The following GRIA3 variants were observed in gnomAD, a reference collection of about 807,000 sequenced individuals.
GRIA3 encodes the protein glutamate ionotropic receptor AMPA type subunit 3, also known as glutamate receptor 3.
A neutral mutation model predicts 63.0 loss-of-function variants in GRIA3; 3 were observed. The observed-to-expected ratio is 0.05, with a 90% CI of 0.02 to 0.12. The LOEUF (loss-of-function observed/expected upper bound fraction) is 0.12. Ranked by LOEUF, GRIA3 falls within the 10% of genes least tolerant of loss-of-function variation. The probability of loss-of-function intolerance (pLI) is 1.00; values close to 1 mark genes in which losing one functional copy is unlikely to be tolerated. For missense variants in GRIA3, 347 were observed against 700.9 expected (o/e 0.50, Z 5.70); for synonymous variants, 274 against 257.9 (o/e 1.06, Z -0.60).
intron 5 of GRIA3, among the ~76,000 whole-genome samples, chrX:123,390,436 GT>G (rs1355399028): frequency 9.0e-6 from 1 of 111,299 alleles, no homozygotes; most frequent in Non-Finnish European, 1.9e-5. Flanking sequence ...GTTTTGTTTT[GT>G]TTTGTTTTTT....
At chrX:123,412,920 C>A (rs1182371625) in intron 10 of GRIA3, among the ~76,000 whole-genome samples, 3 of 109,563 alleles carry the variant, frequency 2.7e-5, no homozygotes, top group Non-Finnish European at 5.7e-5. Context: ...AAGAAACAAT[C>A]CAGAAAAAAA....
intron 5 of GRIA3, among the ~76,000 whole-genome samples, chrX:123,394,456 A>G (rs1016845480): frequency 1.8e-5 from 2 of 111,916 alleles, no homozygotes; most frequent in Non-Finnish European, 3.8e-5. Flanking sequence ...GATTTGTACC[A>G]TCATATACAA....
At chrX:123,313,804 A>G (rs1312177193) in intron 3 of GRIA3, among the ~76,000 whole-genome samples, 2 of 111,964 alleles carry the variant, frequency 1.8e-5, no homozygotes, top group Non-Finnish European at 3.8e-5. Flanking sequence ...TACTCTGCAC[A>G]GAAGTTCAGG....
At position 123,394,958 on chromosome X, in the gene GRIA3, G is replaced by C. The variant is rs774893951; in HGVS notation, c.751-10G>C. On this transcript the variant is annotated splice_polypyrimidine_tract_variant and intron_variant, in intron 5 of 15. Coordinates refer to ENST00000620443, the MANE Select transcript of GRIA3 (RefSeq NM_007325.5). ...TTCCCACAATCATGATCCTTTCAATGTCTTTCCAGGGTTTTACTGATATTT... is the reference window on the plus strand; with the variant it reads ...TTCCCACAATCATGATCCTTTCAATCTCTTTCCAGGGTTTTACTGATATTT... 8.6e-7 allele frequency: 1 copy of C among 1,158,659 alleles called. No homozygotes were observed. The highest frequency in any genetic ancestry group is 1.2e-6 in the Non-Finnish European group (1 of 847,100).
Position 123,373,675 on chromosome X carries a change from T to TCTTTTGCC in GRIA3, c.750+18714_750+18721dup, listed in dbSNP as rs770208428. 2.3e-3 allele frequency among the ~76,000 whole-genome samples: 253 copies of TCTTTTGCC among 112,284 alleles called. 1 individual carries two copies. The highest frequency in any genetic ancestry group is 7.9e-3 in the African/African-American group (245 of 30,904). On this transcript the variant is annotated intron_variant, in intron 5 of 15. Coordinates refer to ENST00000620443, the MANE Select transcript of GRIA3 (RefSeq NM_007325.5). Reference sequence around the variant, plus strand: ...TTCTTTTGAGAAGGGTCTGTTCATATCTTTTGCCCACTTTTTGATGGGGTT... The same window carrying TCTTTTGCC: ...TTCTTTTGAGAAGGGTCTGTTCATATCTTTTGCCCTTTTGCCCACTTTTTGATGGGGTT...
chrX:123,274,987 C>G (rs1203224102), intron 3 of GRIA3, among the ~76,000 whole-genome samples: 1 of 111,140 alleles, frequency 9.0e-6, no homozygotes, highest in East Asian at 2.8e-4. Flanking sequence ...GCTAACGCAC[C>G]TACCAAGGCA....
intron 4 of GRIA3, among the ~76,000 whole-genome samples, chrX:123,328,997 A>G (rs1392888587): frequency 8.9e-6 from 1 of 112,213 alleles, no homozygotes; most frequent in Non-Finnish European, 1.9e-5. Flanking sequence ...CACCTTTCTC[A>G]TTGGTTCCTA....
At chrX:123,413,559 A>AC in intron 10 of GRIA3, among the ~76,000 whole-genome samples, 2 of 97,596 alleles carry the variant, frequency 2.0e-5, no homozygotes, top group African/African-American at 8.2e-5. Context: ...AAAAAAAAAA[A>AC]AAAAAAAAAA....
intron 4 of GRIA3, among the ~76,000 whole-genome samples, chrX:123,327,553 A>G (rs2044913421): frequency 9.0e-6 from 1 of 111,004 alleles, no homozygotes; most frequent in African/African-American, 3.3e-5. Flanking sequence ...TTTGTCAGAT[A>G]TGCCCCCATA....
At chrX:123,295,592 G>T (rs1219075045) in intron 3 of GRIA3, among the ~76,000 whole-genome samples, 1 of 110,991 alleles carries the variant, frequency 9.0e-6, no homozygotes, top group African/African-American at 3.3e-5. Context: ...TGGTCACCCT[G>T]CAAGAAAGGC....
At chrX:123,432,072 AT>A (rs1362841137) in intron 12 of GRIA3, among the ~76,000 whole-genome samples, 4 of 111,870 alleles carry the variant, frequency 3.6e-5, no homozygotes, top group African/African-American at 1.3e-4. Flanking sequence ...AATAAACATT[AT>A]TTTCCATTGA....
rs765282362 is a variant in GRIA3, at chrX:123,204,509, G to A, written c.268+18519G>A. The A allele has an allele frequency of 2.6e-6, 3 of 1,165,540 alleles. No individual in the cohort carries two copies. In the South Asian group the frequency reaches 5.7e-5, roughly 22 times the overall value. ...TCATGGAGGGAGAAGAAAGAAAGAA[G>A]TTCAGCCTGGGTGTGTGAAGCTGTA... On this transcript the variant is annotated intron_variant, in intron 2 of 15. Coordinates refer to ENST00000620443, the MANE Select transcript of GRIA3 (RefSeq NM_007325.5).
At chrX:123,362,730 G>A (rs1166161454) in intron 5 of GRIA3, among the ~76,000 whole-genome samples, 1 of 109,413 alleles carries the variant, frequency 9.1e-6, no homozygotes, top group African/African-American at 3.3e-5. Context: ...AAAAAAAAGA[G>A]AGAGAGAGAG....
intron 2 of GRIA3, among the ~76,000 whole-genome samples, chrX:123,213,127 G>A (rs1928078757): frequency 1.8e-5 from 2 of 111,761 alleles, no homozygotes; most frequent in African/African-American, 6.5e-5. Context: ...GATGATCTGA[G>A]GTGGAATAGT....
chrX:123,360,129 C>T (rs913374175), intron 5 of GRIA3, among the ~76,000 whole-genome samples: 1 of 111,208 alleles, frequency 9.0e-6, no homozygotes, highest in Non-Finnish European at 1.9e-5. Flanking sequence ...AGAAAATGGA[C>T]TCAGAAAATA....
At chrX:123,295,421 A>C (rs1210419071) in intron 3 of GRIA3, among the ~76,000 whole-genome samples, 1 of 111,697 alleles carries the variant, frequency 9.0e-6, no homozygotes, top group Admixed American at 9.6e-5. Flanking sequence ...AATTATGTGC[A>C]CTACCAGCAG....
At chrX:123,213,916 C>T (rs903724129) in intron 2 of GRIA3, among the ~76,000 whole-genome samples, 9 of 112,219 alleles carry the variant, frequency 8.0e-5, no homozygotes, top group Admixed American at 7.6e-4. Context: ...CCTCTGAGTA[C>T]AAGAAGTCAG....
At chrX:123,418,398 A>C (rs1281698149) in intron 11 of GRIA3, among the ~76,000 whole-genome samples, 1 of 111,875 alleles carries the variant, frequency 8.9e-6, no homozygotes, top group Non-Finnish European at 1.9e-5. Flanking sequence ...TCCATTAAAA[A>C]TTTGATAAAC....
intron 12 of GRIA3, among the ~76,000 whole-genome samples, chrX:123,461,810 A>T (rs2045794266): frequency 1.8e-5 from 2 of 111,065 alleles, no homozygotes; most frequent in African/African-American, 6.5e-5. Flanking sequence ...AATGGTAATG[A>T]GAATGAAAAG....
Sources: allele counts gnomAD v4.1 joint callset (sites outside exome capture counted in the v4.1 genomes callset), GRCh38; gene constraint gnomAD v4.1.1; transcripts MANE v1.5; gene names NCBI Gene and HGNC (gene_info 2026-07-23, HGNC 2026-07-21).